Variants in ABCC8 observed in about 807,000 individuals in gnomAD.
ABCC8 encodes the protein ATP-binding cassette sub-family C member 8.
ABCC8 carries 137 observed loss-of-function variants against 188.0 expected under a neutral mutation model. The observed-to-expected ratio is 0.73, with a 90% CI of 0.63 to 0.84. ABCC8 has a LOEUF of 0.84. ABCC8 is among the 40% of genes least tolerant of loss of function. The pLI, the probability that ABCC8 is intolerant of heterozygous loss-of-function variation, is 0.00. For missense variants in ABCC8, 1,750 were observed against 2,072.7 expected (o/e 0.84, Z 3.02); for synonymous variants, 797 against 846.5 (o/e 0.94, Z 1.01).
intron 14 of ABCC8, 103 bp downstream of exon 14, chr11:17,428,186 G>A: frequency 6.4e-7 from 1 of 1,569,948 alleles, no homozygotes. Context: ...CAGGCAGGGT[G>A]ACCTCTGCAG....
In ABCC8 at chr11:17,404,747, T is replaced by C. The variant is rs1328306075; in HGVS notation, c.3400-78A>G. ...TAGAGTGCTACTGGCCGCCATGTTT[T>C]GCTCTCACTTTATTTTTTGATCCTT... On this transcript the variant is annotated intron_variant, in intron 27 of 38. Transcript: ENST00000389817. This position sits in a 1 kb window ranked among gnomAD's most constrained non-coding sequence, Gnocchi z 4.7. 9.7e-6 allele frequency: 15 copies of C among 1,538,572 alleles called. No individual in the cohort carries two copies. The highest frequency in any genetic ancestry group is 1.2e-5 in the Non-Finnish European group (14 of 1,137,484).
chr11:17,463,089 C>G lies in ABCC8; in HGVS notation c.579+349G>C, dbSNP rs1453374327. Among the ~76,000 whole-genome samples the G allele has an allele frequency of 3.3e-5, 5 of 152,016 alleles. No individual in the cohort carries two copies. The East Asian group carries it at 9.6e-4, about 29-fold the overall frequency. On this transcript the variant is annotated intron_variant, in intron 4 of 38. Coordinates refer to ENST00000389817, the MANE Select transcript of ABCC8 (RefSeq NM_000352.6). ...CTTACTCATTCATTTACCAGCGTGA[C>G]GATATGAATACATTAAAGCAAAGTC... is the stretch of plus-strand genomic sequence containing the variant.
chr11:17,428,068 C>T lies in ABCC8; in HGVS notation c.2041-126G>A, dbSNP rs571968511. On this transcript the variant is annotated intron_variant, in intron 14 of 38. Coordinates refer to ENST00000389817, the MANE Select transcript of ABCC8 (RefSeq NM_000352.6). The stretch of plus-strand genomic sequence containing the variant: ...CTGATTCCAGCCCCTGGATCACTTC[C>T]AGAGCAGGGGAGTGGGAGACTGGCC... The T allele has an allele frequency of 1.2e-4, 192 of 1,590,444 alleles. 1 individual carries two copies. In the South Asian group the frequency reaches 2.1e-3, roughly 18 times the overall value.
In ABCC8 at chr11:17,397,040, G is replaced by C. The variant is rs552324811; in HGVS notation, c.3995C>G (p.Ser1332Trp). Reference protein sequence around the residue: ...AESYEGLLAPSLIPKNWPDQG... With the variant: ...AESYEGLLAPWLIPKNWPDQG... ...GTCTGGCCAGTTCTTTGGGATCAGC[G>C]ATGGTGCTGGGGGCCGGGCTGGGCT... The change falls in exon 33 of 39, where the codon TCG (serine) becomes TGG (tryptophan). Residue 1332 changes from serine (S) to tryptophan (W), a missense_variant. Ser to Trp is a radical substitution (Grantham distance 177). Coordinates refer to ENST00000389817, the MANE Select transcript of ABCC8 (RefSeq NM_000352.6). 2 of 1,614,168 alleles carry C rather than the reference G, an allele frequency of 1.2e-6. No individual in the cohort carries two copies. The highest frequency in any genetic ancestry group is 1.7e-5 in the Admixed American group (1 of 60,026).
intron 10 of ABCC8, among the ~76,000 whole-genome samples, chr11:17,435,002 T>C (rs998284027): frequency 7.2e-5 from 11 of 151,922 alleles, no homozygotes; most frequent in African/African-American, 2.7e-4. Context: ...TGTGTGTGTG[T>C]GTGTGTGTGT....
intron 11 of ABCC8, 171 bp from the exon 12 acceptor site, chr11:17,431,130 G>T: frequency 1.8e-6 from 2 of 1,121,804 alleles, no homozygotes; most frequent in South Asian, 1.5e-5. Context: ...TCATGGAAAC[G>T]TCCCCAACAA....
intron 22 of ABCC8, among the ~76,000 whole-genome samples, chr11:17,409,688 T>G (rs1954718113): frequency 6.6e-6 from 1 of 152,036 alleles, no homozygotes; most frequent in South Asian, 2.1e-4. Context: ...TTGGCTGTTG[T>G]TTAGAGGAGA....
In ABCC8 at chr11:17,476,685, A is replaced by G; in HGVS notation, c.92T>C (p.Leu31Pro). 6.2e-7 allele frequency: 1 copy of G among 1,612,030 alleles called. No homozygotes were observed. Among genetic ancestry groups the G allele is most frequent in the Non-Finnish European group, 8.5e-7 (1 of 1,179,330 alleles). The stretch of plus-strand genomic sequence containing the variant: ...TAGGAAGACGTGCGGCACCACGTTG[A>G]GCGCGTCCACAAAGCAGCCGTTGTT... ...VLNNGCFVDA[L>P]NVVPHVFLLF... Residue 31 changes from leucine to proline, a missense_variant, in exon 1 of 39, where the codon CTC (leucine) becomes CCC (proline). Transcript: ENST00000389817.
chr11:17,411,062 G>A (rs979106932), intron 21 of ABCC8, among the ~76,000 whole-genome samples: 1 of 152,188 alleles, frequency 6.6e-6, no homozygotes, highest in African/African-American at 2.4e-5. Flanking sequence ...CTCCTGAGCT[G>A]TTCCTCTGCC....
Position 17,448,684 on chromosome 11 carries a change from G to A in ABCC8, c.1177-13C>T. Reference sequence around the variant, plus strand: ...TGTAAATCTTGGTCTAGAAATGAGAGCAGAGTGTTTCACATTCATCATCAT... The same window carrying A: ...TGTAAATCTTGGTCTAGAAATGAGAACAGAGTGTTTCACATTCATCATCAT... On this transcript the variant is annotated splice_polypyrimidine_tract_variant and intron_variant, in intron 7 of 38. Coordinates refer to ENST00000389817, the MANE Select transcript of ABCC8 (RefSeq NM_000352.6). The A allele has an allele frequency of 6.2e-7, 1 of 1,614,128 alleles. No individual in the cohort carries two copies. Among genetic ancestry groups the A allele is most frequent in the South Asian group, 1.1e-5 (1 of 91,080 alleles).
Position 17,406,971 on chromosome 11 carries a change from C to T in ABCC8, c.3079G>A (p.Val1027Met), listed in dbSNP as rs773874826. The T allele has an allele frequency of 6.2e-7, 1 of 1,614,192 alleles. No individual in the cohort carries two copies. The highest frequency in any genetic ancestry group is 8.5e-7 in the Non-Finnish European group (1 of 1,180,044). The change falls in exon 25 of 39, where the codon GTG (valine) becomes ATG (methionine). Residue 1027 changes from valine to methionine, a missense_variant. Val to Met is a conservative substitution (Grantham distance 21, BLOSUM62 1). Transcript: ENST00000389817. Reference sequence around the variant, plus strand: ...TTGGCCAGCCAGTAGTCGATGGCCACCAGGACCATGTGCTTGAGCAGCTGT... The same window carrying T: ...TTGGCCAGCCAGTAGTCGATGGCCATCAGGACCATGTGCTTGAGCAGCTGT... ...FSQLLKHMVL[V>M]AIDYWLAKWT...
intron 16 of ABCC8, among the ~76,000 whole-genome samples, chr11:17,425,691 CT>C (rs932741921): frequency 2.0e-5 from 3 of 152,092 alleles, no homozygotes; most frequent in Admixed American, 6.6e-5. Context: ...TTACATGCAT[CT>C]TTTTTTATTA....
rs528535542 is a variant in ABCC8 at position 17,400,652 on chromosome 11, A to G, written c.3650+2009T>C. Among the ~76,000 whole-genome samples, 7 of 152,308 alleles carry G rather than the reference A, an allele frequency of 4.6e-5. No homozygotes were observed. The South Asian group carries it at 1.5e-3, about 32-fold the overall frequency. ...GGGCACTCTTGAAACTCTTTTGGGA[A>G]AAAATAAGATCTCTTAGGAAAGCCC... On this transcript the variant is annotated intron_variant, in intron 29 of 38. Transcript: ENST00000389817.
chr11:17,430,458 C>A (rs4148620), intron 12 of ABCC8: 59,940 of 366,662 alleles, frequency 0.16, 7,385 homozygotes, highest in African/African-American at 0.42. Context: ...CACGTGGGGA[C>A]GGGATGGCCT....
At chr11:17,406,202 A>G (rs1954511318) in intron 26 of ABCC8, among the ~76,000 whole-genome samples, 1 of 152,186 alleles carries the variant, frequency 6.6e-6, no homozygotes, top group Admixed American at 6.5e-5. Flanking sequence ...CCATCCCATT[A>G]CAGGAAATTA....
intron 16 of ABCC8, 86 bp downstream of exon 16, chr11:17,426,962 TC>T: frequency 6.8e-7 from 1 of 1,476,756 alleles, no homozygotes. Context: ...GAGTGGGCCC[TC>T]CAATAAATGT....
At chr11:17,432,455 G>A (rs1309083092) in intron 10 of ABCC8, 23 of 1,027,762 alleles carry the variant, frequency 2.2e-5, no homozygotes, top group South Asian at 8.7e-5. Flanking sequence ...CCCGGCCCCC[G>A]ACTCTGGGGC....
chr11:17,449,792 G>A (rs1028955642), intron 7 of ABCC8, among the ~76,000 whole-genome samples: 2 of 152,190 alleles, frequency 1.3e-5, no homozygotes, highest in East Asian at 1.9e-4. Context: ...CTTAAGGCAG[G>A]AACCTATTCT....
At chr11:17,430,323 A>C (rs1241377307) in intron 12 of ABCC8, 1 of 282,948 alleles carries the variant, frequency 3.5e-6, no homozygotes. Flanking sequence ...AGCAGGACCC[A>C]GCGCTTGGGG....
Sources: gnomAD v4.1 joint callset for allele counts (sites outside exome capture counted in the v4.1 genomes callset) on GRCh38, gnomAD v4.1.1 for gene constraint, Gnocchi (gnomAD v3.1) non-coding constraint, MANE v1.5 for transcripts, NCBI Gene and HGNC (gene_info 2026-07-23, HGNC 2026-07-21) for gene names.